DLGAP2: variants seen among roughly 807,000 people sequenced by gnomAD.
DLGAP2 encodes the protein DLG associated protein 2.
DLGAP2 carries 26 observed loss-of-function variants against 100.3 expected under a neutral mutation model. That is an observed-to-expected ratio of 0.26 (90% CI 0.19 to 0.36). The LOEUF (loss-of-function observed/expected upper bound fraction) is 0.36. Among genes scored for constraint, DLGAP2 ranks in the 10% least tolerant of loss-of-function variants. The pLI is 1.00. For synonymous variants in DLGAP2, 886 were observed against 630.1 expected, an observed-to-expected ratio of 1.41 and a Z score of -6.08; for missense variants, 1,858 against 1,453.2, an observed-to-expected ratio of 1.28 and a Z score of -4.53.
intron 3 of DLGAP2, among the ~76,000 whole-genome samples, chr8:1,333,836 T>G (rs559076454): frequency 4.6e-5 from 7 of 152,304 alleles, no homozygotes; most frequent in African/African-American, 1.7e-4. Context: ...GCAGAGCAGG[T>G]GGAACAGAAG....
intron 2 of DLGAP2, among the ~76,000 whole-genome samples, chr8:926,315 C>A (rs1157875180): frequency 6.6e-6 from 1 of 152,218 alleles, no homozygotes; most frequent in South Asian, 2.1e-4. Context: ...GTTCTTCCTT[C>A]CCAGATCCCA....
At chr8:815,007 C>T (rs1295695480) in intron 1 of DLGAP2, among the ~76,000 whole-genome samples, 1 of 151,744 alleles carries the variant, frequency 6.6e-6, no homozygotes, top group Non-Finnish European at 1.5e-5. Flanking sequence ...ATAAAAAGAA[C>T]ATGAGAAAGC....
At chr8:1,193,346 C>G (rs549076497) in intron 2 of DLGAP2, among the ~76,000 whole-genome samples, 8 of 152,138 alleles carry the variant, frequency 5.3e-5, no homozygotes, top group African/African-American at 1.9e-4. Flanking sequence ...TGTTTCCTGG[C>G]TTTTTAATGA....
rs1563039214 is a variant in DLGAP2 at position 802,080 on chromosome 8, C to CATCCTCAT, written c.18+64255_18+64256insATCCTCAT. 5.6e-4 allele frequency among the ~76,000 whole-genome samples: 73 copies of CATCCTCAT among 130,410 alleles called. 2 individuals are homozygous for CATCCTCAT. The highest frequency in any genetic ancestry group is 4.6e-3 in the East Asian group (17 of 3,674). 85.6% of individuals were successfully genotyped at this position (130,410 alleles called of 152,430 possible). A position where few individuals can be genotyped will look rare whatever the true frequency, so the allele number is the denominator to read the frequency against. On this transcript the variant is annotated intron_variant, in intron 1 of 14. Coordinates refer to ENST00000637795, the MANE Select transcript of DLGAP2 (RefSeq NM_001346810.2). ...CAGTCTGCACCCCTCCTGGGCCCTCCGTCCTCACGGCCTGGGGAATGGTCC... is the reference window on the plus strand; with the variant it reads ...CAGTCTGCACCCCTCCTGGGCCCTCCATCCTCATGTCCTCACGGCCTGGGGAATGGTCC...
At chr8:1,015,359 A>G (rs865971755) in intron 2 of DLGAP2, among the ~76,000 whole-genome samples, 11 of 144 alleles carry the variant, frequency 0.076, 2 homozygotes, top group South Asian at 0.5. Flanking sequence ...AGGACAGACG[A>G]TGCCTCCACT....
At chr8:1,142,239 A>G (rs1273535301) in intron 2 of DLGAP2, among the ~76,000 whole-genome samples, 2 of 152,206 alleles carry the variant, frequency 1.3e-5, no homozygotes, top group African/African-American at 4.8e-5. Flanking sequence ...ATTATGCATC[A>G]TAAGGTGGTT....
intron 2 of DLGAP2, among the ~76,000 whole-genome samples, chr8:1,078,756 C>G (rs1047397497): frequency 6.6e-6 from 1 of 152,132 alleles, no homozygotes; most frequent in Non-Finnish European, 1.5e-5. Context: ...CTTTTTAGCC[C>G]TGAATAACAT....
At chr8:996,768 A>C (rs1352574170) in intron 2 of DLGAP2, among the ~76,000 whole-genome samples, 1 of 152,184 alleles carries the variant, frequency 6.6e-6, no homozygotes, top group Non-Finnish European at 1.5e-5. Flanking sequence ...CTAGTTGAAG[A>C]GGAAGTGAGG....
At chr8:1,617,575 C>T (rs1375487642) in intron 6 of DLGAP2, among the ~76,000 whole-genome samples, 1 of 152,040 alleles carries the variant, frequency 6.6e-6, no homozygotes, top group Non-Finnish European at 1.5e-5. Flanking sequence ...TTTTTGCTTG[C>T]AAATTTGTTT....
chr8:1,353,371 G>A (rs1801778894), intron 3 of DLGAP2, among the ~76,000 whole-genome samples: 1 of 152,170 alleles, frequency 6.6e-6, no homozygotes, highest in African/African-American at 2.4e-5. Flanking sequence ...TGTACTTCGA[G>A]TTCCGCACAA....
chr8:1,614,479 C>T (rs189597730), intron 6 of DLGAP2, among the ~76,000 whole-genome samples: 2 of 152,206 alleles, frequency 1.3e-5, no homozygotes, highest in Non-Finnish European at 2.9e-5. Flanking sequence ...CCGCAGCTGC[C>T]ATTGACGGCT....
Position 1,668,693 on chromosome 8 carries a change from C to G in DLGAP2, c.2160+15C>G. On this transcript the variant is annotated intron_variant, in intron 9 of 14. Transcript: ENST00000637795. ...TCGGGATTCAGGTAGCTGCTCTTGG[C>G]CGCCCGTCAGGGCCTCGCTCCACTC... The G allele has an allele frequency of 6.6e-7, 1 of 1,509,240 alleles. No homozygotes were observed. Among genetic ancestry groups the G allele is most frequent in the East Asian group, 2.5e-5 (1 of 40,594 alleles). The allele number at this position is 1,509,240 out of a possible 1,614,324, so 93.5% of individuals were successfully genotyped here. A position where few individuals can be genotyped will look rare whatever the true frequency, so the allele number is the denominator to read the frequency against.
chr8:1,450,728 G>A (rs1049441370), intron 3 of DLGAP2, among the ~76,000 whole-genome samples: 7 of 152,124 alleles, frequency 4.6e-5, no homozygotes, highest in Non-Finnish European at 7.3e-5. Flanking sequence ...GGGGCCAAGC[G>A]ACAGGCACCG....
At chr8:1,643,248 A>G (rs370795550) in intron 8 of DLGAP2, among the ~76,000 whole-genome samples, 26 of 7,562 alleles carry the variant, frequency 3.4e-3, no homozygotes, top group Admixed American at 6.2e-3. Context: ...GGAACCCGCC[A>G]GCCCTCACCT....
At chr8:1,191,325 C>G (rs933622935) in intron 2 of DLGAP2, among the ~76,000 whole-genome samples, 1 of 152,014 alleles carries the variant, frequency 6.6e-6, no homozygotes, top group South Asian at 2.1e-4. Flanking sequence ...CACCCGCCAC[C>G]ACGCCCGGCT....
intron 3 of DLGAP2, among the ~76,000 whole-genome samples, chr8:1,267,780 G>T (rs1012783515): frequency 3.9e-5 from 6 of 151,922 alleles, no homozygotes; most frequent in African/African-American, 1.5e-4. Context: ...GCAGATGTCT[G>T]TTGGGGCAGA....
chr8:1,115,779 T>G (rs1035373506), intron 2 of DLGAP2, among the ~76,000 whole-genome samples: 1 of 152,140 alleles, frequency 6.6e-6, no homozygotes, highest in South Asian at 2.1e-4. Flanking sequence ...CCACACTCAT[T>G]TTAAGGCACA....
chr8:1,240,270 GT>G (rs1471555353), intron 2 of DLGAP2, among the ~76,000 whole-genome samples: 17,152 of 94,786 alleles, frequency 0.18, 1,866 homozygotes, highest in Non-Finnish European at 0.26. Context: ...ATGGCGCCGT[GT>G]CTAGTTCTGT....
intron 3 of DLGAP2, among the ~76,000 whole-genome samples, chr8:1,391,994 G>A (rs553174436): frequency 8.5e-5 from 13 of 152,316 alleles, no homozygotes; most frequent in South Asian, 6.2e-4. Flanking sequence ...AAACCAGGTC[G>A]TAGGACTGAG....
Sources: allele counts gnomAD v4.1 joint callset (sites outside exome capture counted in the v4.1 genomes callset), GRCh38; gene constraint gnomAD v4.1.1; transcripts MANE v1.5; gene names NCBI Gene and HGNC (gene_info 2026-07-23, HGNC 2026-07-21).